The following LUZP2 variants were observed in gnomAD, a reference collection of about 807,000 sequenced individuals.
LUZP2 encodes leucine zipper protein 2.
Under a neutral mutation model 51.6 loss-of-function variants are expected in LUZP2, and 52 were observed. The observed-to-expected ratio is 1.01, with a 90% CI of 0.81 to 1.27. LUZP2 has a LOEUF of 1.27. LUZP2 is among the 50% of genes most tolerant of loss of function. The pLI is 0.00. For missense variants in LUZP2, 436 were observed against 395.4 expected, an observed-to-expected ratio of 1.10 and a Z score of -0.87; for synonymous variants, 154 against 137.3, an observed-to-expected ratio of 1.12 and a Z score of -0.85.
intron 1 of LUZP2, among the ~76,000 whole-genome samples, chr11:24,600,620 T>G (rs1004473406): frequency 2.0e-5 from 3 of 152,152 alleles, no homozygotes; most frequent in African/African-American, 7.2e-5. Context: ...TATCAAACTC[T>G]AACTAAAACT....
chr11:24,702,122 A>G (rs913232115), intron 1 of LUZP2, among the ~76,000 whole-genome samples: 2 of 152,204 alleles, frequency 1.3e-5, no homozygotes, highest in African/African-American at 4.8e-5. Context: ...TAGTGTATAC[A>G]CTATTCAATT....
At chr11:24,924,105 G>T (rs1590736653) in intron 7 of LUZP2, among the ~76,000 whole-genome samples, 1 of 149,462 alleles carries the variant, frequency 6.7e-6, no homozygotes, top group South Asian at 2.1e-4. Flanking sequence ...TTGAGACGGA[G>T]TCTCATTTTG....
chr11:24,980,533 A>G (rs1402442909), intron 8 of LUZP2, among the ~76,000 whole-genome samples: 1 of 151,712 alleles, frequency 6.6e-6, no homozygotes, highest in South Asian at 2.1e-4. Context: ...TTAATTTTTT[A>G]TATAACAAGC....
chr11:24,722,159 A>G (rs554471266), intron 1 of LUZP2, among the ~76,000 whole-genome samples: 1 of 152,366 alleles, frequency 6.6e-6, no homozygotes, highest in South Asian at 2.1e-4. Flanking sequence ...CAGAAAATAT[A>G]GTAAGCCAGC....
chr11:24,813,216 A>G (rs1850072598), intron 5 of LUZP2, among the ~76,000 whole-genome samples: 1 of 152,198 alleles, frequency 6.6e-6, no homozygotes, highest in African/African-American at 2.4e-5. Flanking sequence ...TATGCACAGA[A>G]TACAAATTCC....
intron 9 of LUZP2, among the ~76,000 whole-genome samples, chr11:24,992,666 A>C (rs1359431631): frequency 1.3e-5 from 2 of 152,070 alleles, no homozygotes; most frequent in African/African-American, 4.8e-5. Context: ...AATACCTAAA[A>C]ATTTTCTGAC....
At chr11:24,708,644 T>C (rs942400481) in intron 1 of LUZP2, among the ~76,000 whole-genome samples, 1 of 152,144 alleles carries the variant, frequency 6.6e-6, no homozygotes, top group Non-Finnish European at 1.5e-5. Flanking sequence ...TATGAAAACC[T>C]GGATTTCTTG....
chr11:24,692,805 A>G (rs1403111845), intron 1 of LUZP2, among the ~76,000 whole-genome samples: 1 of 152,050 alleles, frequency 6.6e-6, no homozygotes, highest in Non-Finnish European at 1.5e-5. Flanking sequence ...TTAGGAGAAT[A>G]TTAAATTATT....
At chr11:24,499,945 T>A (rs1489976878) in intron 1 of LUZP2, among the ~76,000 whole-genome samples, 1 of 152,198 alleles carries the variant, frequency 6.6e-6, no homozygotes, top group Non-Finnish European at 1.5e-5. Context: ...GGTCTAATGG[T>A]ATCTAGCCCA....
intron 4 of LUZP2, among the ~76,000 whole-genome samples, chr11:24,754,879 C>T (rs1859714470): frequency 6.6e-6 from 1 of 152,188 alleles, no homozygotes; most frequent in African/African-American, 2.4e-5. Context: ...GGCTTGGTGG[C>T]TCACATCTGT....
At chr11:24,579,903 A>G (rs7944826) in intron 1 of LUZP2, among the ~76,000 whole-genome samples, 147,880 of 152,104 alleles carry the variant, frequency 0.97, 71,996 homozygotes, top group East Asian at 1. Flanking sequence ...AATATTTGCT[A>G]CAAAATACAT....
chr11:24,879,365 G>T (rs1167325139), intron 5 of LUZP2, among the ~76,000 whole-genome samples: 2 of 152,110 alleles, frequency 1.3e-5, no homozygotes, highest in Non-Finnish European at 2.9e-5. Flanking sequence ...TGTAAACAGT[G>T]CTGCAATAAA....
intron 6 of LUZP2, among the ~76,000 whole-genome samples, chr11:24,910,766 T>C (rs10834544): frequency 0.55 from 82,122 of 149,708 alleles, 22,129 homozygotes; most frequent in East Asian, 0.8. Flanking sequence ...GGGTTTGGAG[T>C]TCTACACAGA....
chr11:24,673,161 T>G (rs1480238098), intron 1 of LUZP2, among the ~76,000 whole-genome samples: 3 of 152,082 alleles, frequency 2.0e-5, no homozygotes, highest in Admixed American at 6.5e-5. Flanking sequence ...GCCAAAAAGG[T>G]TGGGGACCAC....
intron 1 of LUZP2, among the ~76,000 whole-genome samples, chr11:24,642,168 G>C (rs915446575): frequency 2.6e-5 from 4 of 151,830 alleles, no homozygotes; most frequent in Non-Finnish European, 5.9e-5. Context: ...GATTACAGGT[G>C]TGAGCCACCT....
chr11:24,667,276 C>A (rs897024846), intron 1 of LUZP2, among the ~76,000 whole-genome samples: 2 of 151,234 alleles, frequency 1.3e-5, no homozygotes, highest in East Asian at 3.9e-4. Flanking sequence ...CTCCACCTCC[C>A]GGATTGAAGC....
intron 4 of LUZP2, among the ~76,000 whole-genome samples, chr11:24,741,140 A>T (rs1214116730): frequency 6.6e-6 from 1 of 152,028 alleles, no homozygotes; most frequent in African/African-American, 2.4e-5. Flanking sequence ...TATTCAAAAT[A>T]ATTTTGTTTT....
intron 1 of LUZP2, among the ~76,000 whole-genome samples, chr11:24,625,953 A>G (rs1257954465): frequency 1.3e-5 from 2 of 152,140 alleles, no homozygotes; most frequent in Non-Finnish European, 2.9e-5. Context: ...CTTAGAGTGT[A>G]TGGGGAGTAG....
intron 1 of LUZP2, among the ~76,000 whole-genome samples, chr11:24,652,576 G>T (rs1277411300): frequency 6.6e-6 from 1 of 151,910 alleles, no homozygotes; most frequent in Non-Finnish European, 1.5e-5. Context: ...AAAGACAAAT[G>T]AAAAAACATT....
Sources: gnomAD v4.1 joint callset for allele counts (sites outside exome capture counted in the v4.1 genomes callset) on GRCh38, gnomAD v4.1.1 for gene constraint, MANE v1.5 for transcripts, NCBI Gene and HGNC (gene_info 2026-07-23, HGNC 2026-07-21) for gene names.